Variants in TNS3 observed in about 807,000 individuals in gnomAD.
The protein encoded by TNS3 is tensin 3, also known as tensin-3.
In TNS3, 45 loss-of-function variants were observed where a neutral mutation model predicts 140.9. That is an observed-to-expected ratio of 0.32 (90% CI 0.25 to 0.41). The LOEUF (loss-of-function observed/expected upper bound fraction) is 0.41. Among genes scored for constraint, TNS3 ranks in the 10% least tolerant of loss-of-function variants. The pLI, the probability that TNS3 is intolerant of heterozygous loss-of-function variation, is 1.00. For synonymous variants in TNS3, 815 were observed against 788.4 expected, an observed-to-expected ratio of 1.03 and a Z score of -0.56; for missense variants, 1,716 against 1,906.7, an observed-to-expected ratio of 0.90 and a Z score of 1.86.
Position 47,278,398 on chromosome 7 carries a change from G to A in TNS3, c.4194-178C>T, listed in dbSNP as rs987972142. 30 of 656,368 alleles carry A rather than the reference G, an allele frequency of 4.6e-5. No homozygotes were observed. The Admixed American group carries it at 8.4e-4, about 18-fold the overall frequency. 40.7% of individuals were successfully genotyped at this position (656,368 alleles called of 1,614,324 possible). A position where few individuals can be genotyped will look rare whatever the true frequency, so the allele number is the denominator to read the frequency against. ...ATGCACTTTACCTCCAGCCTTCACA[G>A]ACCTACAGATGGGATGTCTGACTCT... On this transcript the variant is annotated intron_variant, in intron 30 of 30. Coordinates refer to ENST00000311160, the MANE Select transcript of TNS3 (RefSeq NM_022748.12).
At chr7:47,327,093 C>T (rs116157965) in intron 20 of TNS3, among the ~76,000 whole-genome samples, 3,025 of 152,306 alleles carry the variant, frequency 0.02, 99 homozygotes, top group African/African-American at 0.069. Context: ...TGGGCCCAGG[C>T]GCCAGCCCTG....
chr7:47,402,518 C>T (rs1322653734), intron 13 of TNS3, among the ~76,000 whole-genome samples: 1 of 152,240 alleles, frequency 6.6e-6, no homozygotes, highest in East Asian at 1.9e-4. Flanking sequence ...AAAGGCTGCC[C>T]TTGCAGGGAT....
intron 23 of TNS3, among the ~76,000 whole-genome samples, chr7:47,300,093 A>G (rs1047010300): frequency 6.6e-6 from 1 of 152,140 alleles, no homozygotes; most frequent in Non-Finnish European, 1.5e-5. Context: ...TGCACTCCCA[A>G]AGAGGTTATC....
chr7:47,425,425 A>G (rs903144987), intron 9 of TNS3, among the ~76,000 whole-genome samples: 5 of 152,236 alleles, frequency 3.3e-5, no homozygotes, highest in African/African-American at 9.6e-5. Flanking sequence ...TGCGGACTTC[A>G]TAAAAATCCT....
At chr7:47,304,326 T>C (rs1366302026) in intron 21 of TNS3, among the ~76,000 whole-genome samples, 1 of 152,218 alleles carries the variant, frequency 6.6e-6, no homozygotes, top group East Asian at 1.9e-4. Context: ...ACAGAGTCTA[T>C]GCGTAATGTC....
chr7:47,381,591 C>T (rs1414969397), intron 16 of TNS3, among the ~76,000 whole-genome samples: 1 of 152,162 alleles, frequency 6.6e-6, no homozygotes, highest in Non-Finnish European at 1.5e-5. Context: ...TAAAAATCAC[C>T]AATCAGCCAT....
intron 10 of TNS3, among the ~76,000 whole-genome samples, chr7:47,419,837 T>C (rs934556831): frequency 2.6e-5 from 4 of 152,166 alleles, no homozygotes; most frequent in Admixed American, 1.3e-4. Context: ...CTTTCCCCTA[T>C]GATTGCACCC....
intron 9 of TNS3, among the ~76,000 whole-genome samples, chr7:47,427,137 A>AG (rs948286969): frequency 2.6e-5 from 4 of 151,618 alleles, no homozygotes; most frequent in African/African-American, 4.8e-5. Flanking sequence ...AAAAAAAAAA[A>AG]AAAAAAAACA....
At chr7:47,489,197 C>T (rs984516823) in intron 3 of TNS3, among the ~76,000 whole-genome samples, 3 of 152,066 alleles carry the variant, frequency 2.0e-5, no homozygotes, top group Non-Finnish European at 4.4e-5. Flanking sequence ...TCTCAGCCTG[C>T]GGGCTGAGAA....
At chr7:47,507,724 C>G (rs1044858127) in intron 2 of TNS3, among the ~76,000 whole-genome samples, 1 of 152,160 alleles carries the variant, frequency 6.6e-6, no homozygotes, top group African/African-American at 2.4e-5. Flanking sequence ...TGCAGGCAGG[C>G]CTTGCAGGAC....
At chr7:47,581,043 C>A (rs1313331911) in intron 1 of TNS3, among the ~76,000 whole-genome samples, 2 of 152,162 alleles carry the variant, frequency 1.3e-5, no homozygotes, top group Non-Finnish European at 2.9e-5. Context: ...GGCCCCACAC[C>A]CTGATGGCGC....
intron 1 of TNS3, among the ~76,000 whole-genome samples, chr7:47,559,929 T>C (rs773527762): frequency 6.6e-6 from 1 of 152,070 alleles, no homozygotes; most frequent in Non-Finnish European, 1.5e-5. Context: ...CCACACACAC[T>C]ACACCTAGCA....
chr7:47,517,902 G>T (rs1375334891), intron 2 of TNS3, among the ~76,000 whole-genome samples: 1 of 152,146 alleles, frequency 6.6e-6, no homozygotes, highest in Non-Finnish European at 1.5e-5. Context: ...ACAGGGAGCT[G>T]GGTCACACAG....
intron 1 of TNS3, chr7:47,579,839 T>C: frequency 2.0e-6 from 2 of 985,414 alleles, no homozygotes; most frequent in South Asian, 4.7e-5. Flanking sequence ...TTCCACTCAC[T>C]GTTCTTGCCA....
chr7:47,327,714 A>G (rs924755786), intron 20 of TNS3, among the ~76,000 whole-genome samples: 2 of 152,236 alleles, frequency 1.3e-5, no homozygotes, highest in Admixed American at 6.5e-5. Context: ...GTTTTGTCCC[A>G]AAGCCTTGGC....
intron 17 of TNS3, among the ~76,000 whole-genome samples, chr7:47,348,891 A>G (rs1789503240): frequency 6.6e-6 from 1 of 152,222 alleles, no homozygotes; most frequent in Admixed American, 6.5e-5. Flanking sequence ...CAGGGTCCGA[A>G]AAGGAATTTC....
intron 16 of TNS3, among the ~76,000 whole-genome samples, chr7:47,386,173 C>T (rs1792057491): frequency 6.6e-6 from 1 of 152,218 alleles, no homozygotes; most frequent in African/African-American, 2.4e-5. Flanking sequence ...TATAAAGAAA[C>T]ACTAAACACA....
intron 11 of TNS3, 99 bp from the exon 12 acceptor site, chr7:47,414,096 A>T: frequency 7.8e-7 from 1 of 1,277,528 alleles, no homozygotes; most frequent in Non-Finnish European, 1.1e-6. Flanking sequence ...AGACCAGGAG[A>T]CTGCACCTGC....
At chr7:47,475,015 A>G (rs1797134936) in intron 4 of TNS3, among the ~76,000 whole-genome samples, 1 of 151,928 alleles carries the variant, frequency 6.6e-6, no homozygotes, top group Non-Finnish European at 1.5e-5. Flanking sequence ...CACGCAACAC[A>G]CAACACACAC....
Sources: allele counts gnomAD v4.1 joint callset (sites outside exome capture counted in the v4.1 genomes callset), GRCh38; gene constraint gnomAD v4.1.1; transcripts MANE v1.5; gene names NCBI Gene and HGNC (gene_info 2026-07-23, HGNC 2026-07-21).